The following AGBL1 variants were observed in gnomAD, a reference collection of about 807,000 sequenced individuals.
The protein encoded by AGBL1 is cytosolic carboxypeptidase 4.
Under a neutral mutation model 118.9 loss-of-function variants are expected in AGBL1, and 130 were observed. The ratio of observed to expected loss-of-function variants is 1.09; its 90% CI spans 0.95 to 1.26. The LOEUF is 1.26. Among genes scored for constraint, AGBL1 ranks in the 50% most tolerant of loss-of-function variants. AGBL1 has a pLI of 0.00. For missense variants in AGBL1, 1,584 were observed against 1,298.1 expected, an observed-to-expected ratio of 1.22 and a Z score of -3.38; for synonymous variants, 555 against 478.9, an observed-to-expected ratio of 1.16 and a Z score of -2.08.
In AGBL1 at chr15:86,982,715, T is replaced by A. The variant is rs189129339; in HGVS notation, c.3222-5272T>A. On this transcript the variant is annotated intron_variant, in intron 23 of 24. Transcript: ENST00000441037. ...TATTTTCTCTTTCTGGTGATTTTTT[T>A]AATAACATTTTCCTTTCTCTAGCTT... is the stretch of plus-strand genomic sequence containing the variant. Among the ~76,000 whole-genome samples, 89 of 152,346 alleles carry A rather than the reference T, an allele frequency of 5.8e-4. No homozygotes were observed. The East Asian group carries it at 9.1e-3, about 16-fold the overall frequency.
intron 24 of AGBL1, among the ~76,000 whole-genome samples, chr15:87,010,047 G>A (rs897652157): frequency 3.3e-5 from 5 of 152,116 alleles, no homozygotes; most frequent in Admixed American, 1.3e-4. Context: ...GGGAAGGCAT[G>A]ATTAGTTTTG....
At chr15:86,945,070 A>G (rs1403638013) in intron 23 of AGBL1, among the ~76,000 whole-genome samples, 1 of 152,032 alleles carries the variant, frequency 6.6e-6, no homozygotes, top group South Asian at 2.1e-4. Flanking sequence ...AAATGATGAC[A>G]TAGTAAGCAG....
chr15:86,126,883 T>A (rs1212783690), intron 1 of AGBL1, among the ~76,000 whole-genome samples: 1 of 152,174 alleles, frequency 6.6e-6, no homozygotes, highest in Non-Finnish European at 1.5e-5. Context: ...ATATATTTGG[T>A]GGGAAACATT....
chr15:86,757,068 T>G (rs895134151), intron 22 of AGBL1, among the ~76,000 whole-genome samples: 7 of 151,950 alleles, frequency 4.6e-5, no homozygotes, highest in Non-Finnish European at 8.8e-5. Flanking sequence ...AGGCTGAGAA[T>G]TTACAACTAA....
At chr15:86,430,977 A>G (rs2081928656) in intron 18 of AGBL1, among the ~76,000 whole-genome samples, 1 of 152,236 alleles carries the variant, frequency 6.6e-6, no homozygotes, top group African/African-American at 2.4e-5. Context: ...ATAGATAAGG[A>G]AAGTGAGACT....
At chr15:86,772,108 C>G (rs994049164) in intron 22 of AGBL1, among the ~76,000 whole-genome samples, 3 of 152,022 alleles carry the variant, frequency 2.0e-5, no homozygotes, top group Admixed American at 6.6e-5. Context: ...TGGTCTCAGG[C>G]TTTCAGTCTG....
At chr15:86,610,512 G>GGCT (rs2084641246) in intron 21 of AGBL1, among the ~76,000 whole-genome samples, 1 of 152,086 alleles carries the variant, frequency 6.6e-6, no homozygotes, top group Non-Finnish European at 1.5e-5. Flanking sequence ...GTCAGCCTGG[G>GGCT]GCTGCTCACT....
intron 5 of AGBL1, among the ~76,000 whole-genome samples, chr15:86,196,716 A>T (rs1452430443): frequency 6.6e-6 from 1 of 152,122 alleles, no homozygotes; most frequent in African/African-American, 2.4e-5. Flanking sequence ...CCCCAATGTT[A>T]CTGTATTTTA....
intron 17 of AGBL1, among the ~76,000 whole-genome samples, chr15:86,389,282 T>C (rs916897090): frequency 1.3e-5 from 2 of 152,082 alleles, no homozygotes; most frequent in African/African-American, 2.4e-5. Context: ...TTTCTATTTC[T>C]GAAAATGAGA....
chr15:86,504,470 CTA>C (rs2082951791), intron 18 of AGBL1, among the ~76,000 whole-genome samples: 1 of 151,366 alleles, frequency 6.6e-6, no homozygotes. Flanking sequence ...TTCCATATTT[CTA>C]TGTGTTTTTT....
At chr15:86,796,714 T>C in intron 22 of AGBL1, among the ~76,000 whole-genome samples, 1 of 152,192 alleles carries the variant, frequency 6.6e-6, no homozygotes, top group East Asian at 1.9e-4. Context: ...AGAACATAGC[T>C]ACACCCATCT....
chr15:86,533,259 T>A, intron 19 of AGBL1, among the ~76,000 whole-genome samples: 1 of 101,604 alleles, frequency 9.8e-6, no homozygotes, highest in Non-Finnish European at 1.9e-5. Flanking sequence ...TCAAACAAAT[T>A]TACAAGAAAA....
chr15:86,400,190 G>A (rs1194147072), intron 18 of AGBL1, among the ~76,000 whole-genome samples: 4 of 152,028 alleles, frequency 2.6e-5, no homozygotes, highest in Non-Finnish European at 4.4e-5. Flanking sequence ...GTATCATCAG[G>A]TGGATTTGTG....
At chr15:86,588,257 G>T (rs2084281941) in intron 21 of AGBL1, among the ~76,000 whole-genome samples, 1 of 152,196 alleles carries the variant, frequency 6.6e-6, no homozygotes, top group African/African-American at 2.4e-5. Context: ...ATGTGAATGT[G>T]AATAAAGAAG....
chr15:86,832,272 A>T (rs540683150), intron 22 of AGBL1, among the ~76,000 whole-genome samples: 1 of 152,228 alleles, frequency 6.6e-6, no homozygotes, highest in Non-Finnish European at 1.5e-5. Flanking sequence ...TTCGTTACTT[A>T]TGCAAATTTC....
chr15:86,409,456 C>A (rs954676812), intron 18 of AGBL1, among the ~76,000 whole-genome samples: 1 of 152,158 alleles, frequency 6.6e-6, no homozygotes, highest in African/African-American at 2.4e-5. Flanking sequence ...CTCACATACA[C>A]CCCATTCCCA....
chr15:86,990,515 G>GA (rs201876249), intron 24 of AGBL1, among the ~76,000 whole-genome samples: 1,764 of 147,196 alleles, frequency 0.012, 52 homozygotes, highest in East Asian at 0.027. Flanking sequence ...CTCCATCTCA[G>GA]AAAAAAAAAA....
intron 17 of AGBL1, chr15:86,296,295 A>T (rs376179747): frequency 5.4e-4 from 83 of 152,344 alleles, no homozygotes; most frequent in African/African-American, 1.9e-3. Context: ...AGTTTTGGAA[A>T]TTAAAGAAGA....
chr15:86,953,729 T>G (rs1416244545), intron 23 of AGBL1, among the ~76,000 whole-genome samples: 1 of 152,136 alleles, frequency 6.6e-6, no homozygotes, highest in Admixed American at 6.6e-5. Context: ...GCCTAGACAT[T>G]ATTGGTGTTT....
Sources: gnomAD v4.1 joint callset for allele counts (sites outside exome capture counted in the v4.1 genomes callset) on GRCh38, gnomAD v4.1.1 for gene constraint, MANE v1.5 for transcripts, NCBI Gene and HGNC (gene_info 2026-07-23, HGNC 2026-07-21) for gene names.